The following ATP6V0E1 variants were observed in gnomAD, a reference collection of about 807,000 sequenced individuals.
The protein encoded by ATP6V0E1 is V-type proton ATPase subunit e 1.
Under a neutral mutation model 11.6 loss-of-function variants are expected in ATP6V0E1, and 4 were observed. The ratio of observed to expected loss-of-function variants is 0.35; its 90% CI spans 0.17 to 0.79. The LOEUF is 0.79. ATP6V0E1 is among the 30% of genes least tolerant of loss of function. The pLI, the probability that ATP6V0E1 is intolerant of heterozygous loss-of-function variation, is 0.54. For missense variants in ATP6V0E1, 105 were observed against 100.0 expected (o/e 1.05, Z -0.21); for synonymous variants, 36 against 34.8 (o/e 1.04, Z -0.13).
intron 1 of ATP6V0E1, chr5:172,986,892 A>G (rs1175457358): frequency 6.1e-6 from 2 of 326,810 alleles, no homozygotes; most frequent in African/African-American, 2.2e-5. Context: ...GGTTCAAGCA[A>G]TTCTCCTGCC....
chr5:172,984,574 G>C (rs1227909918), intron 1 of ATP6V0E1, among the ~76,000 whole-genome samples: 2 of 152,206 alleles, frequency 1.3e-5, no homozygotes, highest in East Asian at 1.9e-4. Flanking sequence ...TCCGGCTCTT[G>C]TATGTGAGTG....
At chr5:173,018,742 A>G (rs1581633861) in intron 2 of ATP6V0E1, among the ~76,000 whole-genome samples, 1 of 152,186 alleles carries the variant, frequency 6.6e-6, no homozygotes, top group Admixed American at 6.5e-5. Flanking sequence ...TCTGAGGCCT[A>G]GAACTTAGTA....
At chr5:173,009,547 C>T (rs949058335) in intron 2 of ATP6V0E1, among the ~76,000 whole-genome samples, 5 of 150,424 alleles carry the variant, frequency 3.3e-5, no homozygotes, top group Non-Finnish European at 7.4e-5. Context: ...TCACTGCAAC[C>T]TCTGCCTCCC....
intron 2 of ATP6V0E1, among the ~76,000 whole-genome samples, chr5:173,011,111 G>A (rs1453845701): frequency 6.6e-6 from 1 of 151,294 alleles, no homozygotes; most frequent in African/African-American, 2.4e-5. Context: ...CTCAGAGGTT[G>A]ACATGGAACA....
At chr5:173,014,679 A>G (rs1045212809) in intron 2 of ATP6V0E1, among the ~76,000 whole-genome samples, 12 of 152,332 alleles carry the variant, frequency 7.9e-5, no homozygotes, top group African/African-American at 2.6e-4. Flanking sequence ...TTTGATGTCA[A>G]AGACATGAAG....
intron 3 of ATP6V0E1, among the ~76,000 whole-genome samples, chr5:173,034,171 A>G (rs954444489): frequency 2.0e-4 from 31 of 152,288 alleles, no homozygotes; most frequent in African/African-American, 7.2e-4. Flanking sequence ...TGTAACATAG[A>G]GTGTTACTTG....
In ATP6V0E1 at chr5:172,998,342, C is replaced by T. The variant is rs574692283; in HGVS notation, c.152+3520C>T. ...GTATATGAAGCCTGGTGTGGTGGCT[C>T]ACGCCTGTAATCCCAGCACTCTGGG... is the stretch of plus-strand genomic sequence containing the variant. On this transcript the variant is annotated intron_variant, in intron 2 of 3. Transcript: ENST00000519374. Among the ~76,000 whole-genome samples, 9 of 151,980 alleles carry T rather than the reference C, an allele frequency of 5.9e-5. No individual in the cohort carries two copies. In the South Asian group the frequency reaches 1.7e-3, roughly 28 times the overall value.
intron 1 of ATP6V0E1, among the ~76,000 whole-genome samples, chr5:172,991,536 T>C (rs1340756183): frequency 1.3e-5 from 2 of 151,848 alleles, no homozygotes; most frequent in Non-Finnish European, 2.9e-5. Context: ...ATAATGTGTT[T>C]TGGGGGACAG....
At position 173,034,542 on chromosome 5, in the gene ATP6V0E1, T is replaced by A. The variant is rs1409270842; in HGVS notation, c.*180T>A. On this transcript the variant is annotated 3_prime_UTR_variant, in exon 4 of 4. Coordinates refer to ENST00000519374, the MANE Select transcript of ATP6V0E1 (RefSeq NM_003945.4). ...ATTCTACAATGCAGCGTGTTTTCCT[T>A]TGCCTTTTTTGCACTTTGGTGAATT... 1 of 678,950 alleles carries A rather than the reference T, an allele frequency of 1.5e-6. No homozygotes were observed. Among genetic ancestry groups the A allele is most frequent in the Non-Finnish European group, 2.7e-6 (1 of 367,550 alleles). The allele number at this position is 678,950 out of a possible 1,614,324, so 42.1% of individuals were successfully genotyped here. A position where few individuals can be genotyped will look rare whatever the true frequency, so the allele number is the denominator to read the frequency against.
chr5:173,022,809 T>G (rs1756504935), intron 3 of ATP6V0E1, among the ~76,000 whole-genome samples: 1 of 151,874 alleles, frequency 6.6e-6, no homozygotes, highest in African/African-American at 2.4e-5. Context: ...ATTTTTAAAT[T>G]TTGAATAGAG....
intron 2 of ATP6V0E1, among the ~76,000 whole-genome samples, chr5:173,006,406 C>T (rs571329473): frequency 8.9e-5 from 13 of 145,852 alleles, no homozygotes; most frequent in Non-Finnish European, 1.5e-4. Context: ...GTCAGGAGAT[C>T]GAGACCATCC....
chr5:173,013,642 AC>A (rs1756364030), intron 2 of ATP6V0E1, among the ~76,000 whole-genome samples: 2 of 152,124 alleles, frequency 1.3e-5, no homozygotes, highest in Admixed American at 1.3e-4. Flanking sequence ...TACCCAACTG[AC>A]AGGGGACTAA....
chr5:173,030,202 G>A (rs563164246), intron 3 of ATP6V0E1, among the ~76,000 whole-genome samples: 1 of 151,916 alleles, frequency 6.6e-6, no homozygotes, highest in African/African-American at 2.4e-5. Flanking sequence ...CCATTCATTT[G>A]GTACATTGCC....
At chr5:173,009,479 T>TTTTTTTTC (rs1400924379) in intron 2 of ATP6V0E1, among the ~76,000 whole-genome samples, 1 of 147,250 alleles carries the variant, frequency 6.8e-6, no homozygotes, top group Non-Finnish European at 1.5e-5. Flanking sequence ...TTTTTTTTTT[T>TTTTTTTTC]GAGACAGAGT....
chr5:173,031,281 A>C (rs572972451), intron 3 of ATP6V0E1, among the ~76,000 whole-genome samples: 1 of 150,846 alleles, frequency 6.6e-6, no homozygotes, highest in East Asian at 2.0e-4. Context: ...GATGGGGTAC[A>C]TCATGTTGTC....
At chr5:173,020,819 C>T (rs756778919) in intron 3 of ATP6V0E1, 18 of 519,666 alleles carry the variant, frequency 3.5e-5, no homozygotes, top group African/African-American at 2.1e-4. Context: ...CGGTTGCCTG[C>T]GCCACTGTTC....
intron 2 of ATP6V0E1, among the ~76,000 whole-genome samples, chr5:173,008,753 CAA>C (rs1197992139): frequency 6.8e-6 from 1 of 147,740 alleles, no homozygotes; most frequent in East Asian, 2.0e-4. Flanking sequence ...ACTAAAAATA[CAA>C]AAAAAATTAG....
chr5:173,016,588 A>C (rs1356011117), intron 2 of ATP6V0E1, among the ~76,000 whole-genome samples: 1 of 152,108 alleles, frequency 6.6e-6, no homozygotes, highest in Admixed American at 6.5e-5. Flanking sequence ...TTTAAATTCT[A>C]ATGGATTTTT....
chr5:172,990,322 A>G (rs1488941184), intron 1 of ATP6V0E1, among the ~76,000 whole-genome samples: 1 of 152,112 alleles, frequency 6.6e-6, no homozygotes, highest in African/African-American at 2.4e-5. Flanking sequence ...TGACCATTCT[A>G]GTTTCTCATG....
Sources: gnomAD v4.1 joint callset for allele counts (sites outside exome capture counted in the v4.1 genomes callset) on GRCh38, gnomAD v4.1.1 for gene constraint, MANE v1.5 for transcripts, NCBI Gene and HGNC (gene_info 2026-07-23, HGNC 2026-07-21) for gene names.